SLC22A15: variants seen among roughly 807,000 people sequenced by gnomAD.
The protein encoded by SLC22A15 is solute carrier family 22 member 15.
SLC22A15 carries 45 observed loss-of-function variants against 62.7 expected under a neutral mutation model. The observed-to-expected ratio is 0.72, with a 90% CI of 0.56 to 0.92. SLC22A15 has a LOEUF of 0.92. Among genes scored for constraint, SLC22A15 ranks in the 40% least tolerant of loss-of-function variants. The pLI is 0.00. For missense variants in SLC22A15, 622 were observed against 665.6 expected (o/e 0.93, Z 0.72); for synonymous variants, 264 against 267.0 (o/e 0.99, Z 0.11).
intron 5 of SLC22A15, 122 bp downstream of exon 5, chr1:116,027,144 A>T: frequency 1.1e-6 from 1 of 919,100 alleles, no homozygotes; most frequent in Non-Finnish European, 1.7e-6. Flanking sequence ...TTTGGTGAAG[A>T]ACTAAATTCT....
intron 1 of SLC22A15, among the ~76,000 whole-genome samples, chr1:115,981,768 C>T (rs945972950): frequency 6.6e-6 from 1 of 152,182 alleles, no homozygotes; most frequent in African/African-American, 2.4e-5. Context: ...AAACCCCCAG[C>T]CGAATGCCTT....
chr1:116,024,571 C>A (rs1460978037), intron 4 of SLC22A15, among the ~76,000 whole-genome samples: 1 of 152,104 alleles, frequency 6.6e-6, no homozygotes, highest in East Asian at 1.9e-4. Context: ...TAACATAGAG[C>A]CTTATTATAT....
chr1:116,040,356 G>C (rs1261576529), intron 8 of SLC22A15, among the ~76,000 whole-genome samples: 1 of 152,192 alleles, frequency 6.6e-6, no homozygotes, highest in Admixed American at 6.5e-5. Context: ...CCTGAACTCT[G>C]TGCTTGCCTG....
intron 2 of SLC22A15, among the ~76,000 whole-genome samples, chr1:116,008,596 A>C (rs145540837): frequency 6.6e-6 from 1 of 152,210 alleles, no homozygotes; most frequent in African/African-American, 2.4e-5. Context: ...CACATTCCTC[A>C]TATAAAAAGT....
At position 116,069,407 on chromosome 1, in the gene SLC22A15, T is replaced by C. The variant is rs1308649611; in HGVS notation, c.*2299T>C. The C allele has an allele frequency of 6.6e-6, 1 of 152,220 alleles. No individual in the cohort carries two copies. The highest frequency in any genetic ancestry group is 1.5e-5 in the Non-Finnish European group (1 of 68,038). 9.4% of individuals were successfully genotyped at this position (152,220 alleles called of 1,614,324 possible). The stretch of plus-strand genomic sequence containing the variant: ...ATTAAATTATTGGAAAACTTTTCAT[T>C]GACAGGTAATGTATTTTGGTTGTGC... On this transcript the variant is annotated 3_prime_UTR_variant, in exon 12 of 12. Transcript: ENST00000369503.
rs1018540658 is a variant in SLC22A15 at position 116,032,722 on chromosome 1, G to A, written c.944+1141G>A. The A allele has an allele frequency of 6.2e-5, 52 of 837,866 alleles. 1 individual carries two copies. The highest frequency in any genetic ancestry group is 1.1e-4 in the South Asian group (2 of 18,352). The allele number at this position is 837,866 out of a possible 1,614,324, so 51.9% of individuals were successfully genotyped here. On this transcript the variant is annotated intron_variant, in intron 6 of 11. Transcript: ENST00000369503. ...TGGAGGCATGGAGATTAAGAAAACC[G>A]TTGAAAGCCAAACCTGACAACACAA...
intron 2 of SLC22A15, among the ~76,000 whole-genome samples, chr1:116,016,746 A>C (rs968166713): frequency 6.6e-6 from 1 of 152,186 alleles, no homozygotes; most frequent in Non-Finnish European, 1.5e-5. Context: ...TGAACAATTT[A>C]GGTGACTCTT....
intron 2 of SLC22A15, among the ~76,000 whole-genome samples, chr1:116,004,062 A>G (rs771895060): frequency 1.6e-4 from 24 of 152,110 alleles, no homozygotes; most frequent in Non-Finnish European, 2.8e-4. Context: ...CTGCTTCCTT[A>G]CCTCTCCTTA....
rs1241139184 is a variant in SLC22A15 at position 116,069,040 on chromosome 1, C to G, written c.*1932C>G. 6.6e-6 allele frequency: 1 copy of G among 152,178 alleles called. No individual in the cohort carries two copies. The highest frequency in any genetic ancestry group is 1.5e-5 in the Non-Finnish European group (1 of 68,030). The allele number at this position is 152,178 out of a possible 1,614,324, so 9.4% of individuals were successfully genotyped here. Reference sequence around the variant, plus strand: ...GTTATGACTTTGTTCCATTTGAAGACTAATTGGGAGTCCATCTCTCTATTG... The same window carrying G: ...GTTATGACTTTGTTCCATTTGAAGAGTAATTGGGAGTCCATCTCTCTATTG... On this transcript the variant is annotated 3_prime_UTR_variant, in exon 12 of 12. Coordinates refer to ENST00000369503, the MANE Select transcript of SLC22A15 (RefSeq NM_018420.3).
intron 8 of SLC22A15, among the ~76,000 whole-genome samples, chr1:116,053,777 A>G (rs1658123670): frequency 6.6e-6 from 1 of 152,164 alleles, no homozygotes; most frequent in South Asian, 2.1e-4. Flanking sequence ...AGAATTTTCA[A>G]CCCAGAATTT....
chr1:116,053,413 C>G (rs1466364421), intron 8 of SLC22A15, among the ~76,000 whole-genome samples: 1 of 152,042 alleles, frequency 6.6e-6, no homozygotes, highest in Non-Finnish European at 1.5e-5. Flanking sequence ...GTGAAAAAAC[C>G]AAATCTATGT....
At chr1:116,052,358 A>G (rs1658084024) in intron 8 of SLC22A15, among the ~76,000 whole-genome samples, 1 of 152,218 alleles carries the variant, frequency 6.6e-6, no homozygotes, top group African/African-American at 2.4e-5. Context: ...GGCGCCCGCC[A>G]TTGCCCAGGC....
intron 1 of SLC22A15, among the ~76,000 whole-genome samples, chr1:115,984,036 G>A (rs1007758530): frequency 2.0e-5 from 3 of 152,130 alleles, no homozygotes; most frequent in Non-Finnish European, 2.9e-5. Flanking sequence ...TGTCTGAATT[G>A]ATATAAAATT....
intron 9 of SLC22A15, among the ~76,000 whole-genome samples, chr1:116,063,150 A>G (rs899948218): frequency 6.6e-6 from 1 of 152,226 alleles, no homozygotes; most frequent in Non-Finnish European, 1.5e-5. Context: ...TCACCCAAAC[A>G]GTGCACAGAT....
chr1:116,021,504 G>T (rs1656836293), intron 4 of SLC22A15, among the ~76,000 whole-genome samples: 1 of 152,140 alleles, frequency 6.6e-6, no homozygotes, highest in African/African-American at 2.4e-5. Flanking sequence ...ATAGACTTAG[G>T]TTTGCAATGA....
intron 8 of SLC22A15, among the ~76,000 whole-genome samples, chr1:116,043,749 A>G (rs370647922): frequency 1.1e-4 from 16 of 152,192 alleles, no homozygotes; most frequent in African/African-American, 3.4e-4. Context: ...GAAGACACAC[A>G]TTACCAATAT....
chr1:116,006,828 ACT>A (rs1299580521), intron 2 of SLC22A15, among the ~76,000 whole-genome samples: 1 of 147,716 alleles, frequency 6.8e-6, no homozygotes, highest in African/African-American at 2.5e-5. Flanking sequence ...CATTGCATTC[ACT>A]CTCTGTCTTG....
chr1:116,012,546 A>G (rs995553104), intron 2 of SLC22A15, among the ~76,000 whole-genome samples: 4 of 152,206 alleles, frequency 2.6e-5, no homozygotes, highest in African/African-American at 9.7e-5. Context: ...TGTTTGTGTC[A>G]TATGGGTACA....
At chr1:116,048,083 A>T (rs1657971826) in intron 8 of SLC22A15, among the ~76,000 whole-genome samples, 1 of 152,204 alleles carries the variant, frequency 6.6e-6, no homozygotes, top group East Asian at 1.9e-4. Context: ...GTCTGGGGTT[A>T]TGTTAAATGA....
Sources: allele counts gnomAD v4.1 joint callset (sites outside exome capture counted in the v4.1 genomes callset), GRCh38; gene constraint gnomAD v4.1.1; transcripts MANE v1.5; gene names NCBI Gene and HGNC (gene_info 2026-07-23, HGNC 2026-07-21).